Variants in SH3PXD2A observed in about 807,000 individuals in gnomAD.
SH3PXD2A encodes the protein SH3 and PX domains 2A, also known as SH3 and PX domain-containing protein 2A.
SH3PXD2A carries 32 observed loss-of-function variants against 115.2 expected under a neutral mutation model. The ratio of observed to expected loss-of-function variants is 0.28; its 90% CI spans 0.21 to 0.37. SH3PXD2A has a LOEUF of 0.37. Ranked by LOEUF, SH3PXD2A falls within the 10% of genes least tolerant of loss-of-function variation. The pLI is 1.00. For missense variants in SH3PXD2A, 1,328 were observed against 1,498.7 expected (o/e 0.89, Z 1.88); for synonymous variants, 610 against 629.1 (o/e 0.97, Z 0.45).
In SH3PXD2A at chr10:103,595,922, G is replaced by C. The variant is rs1326084463; in HGVS notation, c.*5894C>G. On this transcript the variant is annotated 3_prime_UTR_variant, in exon 15 of 15. Coordinates refer to ENST00000369774, the MANE Select transcript of SH3PXD2A (RefSeq NM_001394015.1). The stretch of plus-strand genomic sequence containing the variant: ...AGTGGGGCTGTTTTTCCCCAAAGCT[G>C]TGGGTCACTGATCCTGTCTTCTCAC... 6.6e-6 allele frequency: 1 copy of C among 152,646 alleles called. No homozygotes were observed. The highest frequency in any genetic ancestry group is 2.4e-5 in the African/African-American group (1 of 41,450). 9.5% of individuals were successfully genotyped at this position (152,646 alleles called of 1,614,324 possible).
chr10:103,607,417 C>CT (rs1185745174), intron 13 of SH3PXD2A, among the ~76,000 whole-genome samples: 2 of 150,580 alleles, frequency 1.3e-5, no homozygotes, highest in African/African-American at 2.4e-5. Context: ...GGTCAGCCCC[C>CT]GCCAGGCCAG....
At chr10:103,852,425 C>T (rs989199339) in intron 1 of SH3PXD2A, among the ~76,000 whole-genome samples, 2 of 152,230 alleles carry the variant, frequency 1.3e-5, no homozygotes, top group South Asian at 2.1e-4. Flanking sequence ...GGCCCCAGGC[C>T]TCTCATCGGC....
intron 4 of SH3PXD2A, among the ~76,000 whole-genome samples, chr10:103,727,961 C>T (rs2038262982): frequency 6.6e-6 from 1 of 152,224 alleles, no homozygotes; most frequent in Non-Finnish European, 1.5e-5. Context: ...TGATGATGGC[C>T]AGGGCCAGGG....
intron 2 of SH3PXD2A, among the ~76,000 whole-genome samples, chr10:103,794,202 T>C (rs912217893): frequency 5.1e-4 from 77 of 152,152 alleles, no homozygotes; most frequent in African/African-American, 1.8e-3. Flanking sequence ...GTGGAGAGTC[T>C]GGAGAGATGA....
At chr10:103,681,812 A>C (rs1234219812) in intron 6 of SH3PXD2A, among the ~76,000 whole-genome samples, 1 of 152,164 alleles carries the variant, frequency 6.6e-6, no homozygotes, top group African/African-American at 2.4e-5. Context: ...GCGGTGGCTC[A>C]TATCTATAAT....
chr10:103,624,558 G>A (rs946951546), intron 9 of SH3PXD2A, among the ~76,000 whole-genome samples: 1 of 152,166 alleles, frequency 6.6e-6, no homozygotes, highest in Non-Finnish European at 1.5e-5. Context: ...GCACACCTGG[G>A]TTCAAGAGCA....
intron 1 of SH3PXD2A, among the ~76,000 whole-genome samples, chr10:103,841,821 C>T (rs906601972): frequency 6.6e-6 from 1 of 152,124 alleles, no homozygotes; most frequent in African/African-American, 2.4e-5. Context: ...CCTTGGCCAC[C>T]CTCTATAAAA....
At position 103,601,960 on chromosome 10, in the gene SH3PXD2A, A is replaced by C; in HGVS notation, c.3258T>G (p.Asp1086Glu). 1 of 1,613,788 alleles carries C rather than the reference A, an allele frequency of 6.2e-7. No homozygotes were observed. The highest frequency in any genetic ancestry group is 8.5e-7 in the Non-Finnish European group (1 of 1,179,954). Residue 1086 changes from aspartate to glutamate, a missense_variant, in exon 15 of 15, where the codon GAT becomes GAG. By Grantham distance (45) the Asp-to-Glu change is conservative. Transcript: ENST00000369774. ...CCTCCTGGAAGCCTGCTGTCTCCTC[A>C]TCCCCCTCGTAGTCTGCGATAGAGA... ...VYVSIADYEG[D>E]EETAGFQEGV...
intron 7 of SH3PXD2A, chr10:103,662,029 CAG>C: frequency 3.5e-6 from 3 of 853,000 alleles, no homozygotes; most frequent in Non-Finnish European, 4.2e-6. Flanking sequence ...GCCCTGCTTC[CAG>C]AGAGGGCCCT....
chr10:103,802,024 A>G (rs2039152683), intron 1 of SH3PXD2A, among the ~76,000 whole-genome samples: 1 of 152,010 alleles, frequency 6.6e-6, no homozygotes, highest in Non-Finnish European at 1.5e-5. Flanking sequence ...GCTAATTTCC[A>G]CTGGTTCACA....
chr10:103,853,893 G>T (rs1027316221), intron 1 of SH3PXD2A, among the ~76,000 whole-genome samples: 3 of 152,206 alleles, frequency 2.0e-5, no homozygotes, highest in Non-Finnish European at 2.9e-5. Flanking sequence ...CCTCCAAAAA[G>T]AGCTTTCTTG....
chr10:103,680,541 T>C (rs1226062091), intron 6 of SH3PXD2A, among the ~76,000 whole-genome samples: 2 of 152,154 alleles, frequency 1.3e-5, no homozygotes, highest in Non-Finnish European at 2.9e-5. Flanking sequence ...GTTCCCAAAG[T>C]GCTGGGATTA....
At chr10:103,836,303 T>C (rs1258317607) in intron 1 of SH3PXD2A, among the ~76,000 whole-genome samples, 3 of 151,654 alleles carry the variant, frequency 2.0e-5, no homozygotes, top group Non-Finnish European at 4.4e-5. Flanking sequence ...CAGCTTTTAT[T>C]ACACACACAC....
At chr10:103,692,972 C>G in intron 6 of SH3PXD2A, 56 bp downstream of exon 6, 1 of 1,220,584 alleles carries the variant, frequency 8.2e-7, no homozygotes, top group Non-Finnish European at 1.2e-6. Flanking sequence ...ATCGGAGGGG[C>G]GCGTGCACGA....
intron 9 of SH3PXD2A, 115 bp downstream of exon 9, chr10:103,626,974 A>AG (rs2036707397): frequency 3.1e-6 from 2 of 637,632 alleles, no homozygotes; most frequent in South Asian, 3.7e-5. Flanking sequence ...CCAAGGGAGG[A>AG]GGCTAGGATA....
intron 1 of SH3PXD2A, among the ~76,000 whole-genome samples, chr10:103,827,247 C>T (rs1051187785): frequency 1.3e-5 from 2 of 152,070 alleles, no homozygotes; most frequent in African/African-American, 2.4e-5. Flanking sequence ...CACTTCTGGG[C>T]GGGGCTGGTG....
At chr10:103,685,499 C>T (rs2037666422) in intron 6 of SH3PXD2A, among the ~76,000 whole-genome samples, 1 of 152,132 alleles carries the variant, frequency 6.6e-6, no homozygotes. Context: ...ACCCCACCTT[C>T]CCCCTGTCTG....
chr10:103,726,580 G>T (rs1461763157), intron 4 of SH3PXD2A, among the ~76,000 whole-genome samples: 2 of 152,156 alleles, frequency 1.3e-5, no homozygotes, highest in Non-Finnish European at 2.9e-5. Flanking sequence ...TTTGTTTAAA[G>T]AAATGAATGA....
intron 12 of SH3PXD2A, among the ~76,000 whole-genome samples, chr10:103,612,463 A>T (rs1040971233): frequency 2.0e-5 from 3 of 152,124 alleles, no homozygotes; most frequent in African/African-American, 7.2e-5. Context: ...TGTTTTTTTG[A>T]TTTTTTAAAA....
Sources: allele counts gnomAD v4.1 joint callset (sites outside exome capture counted in the v4.1 genomes callset), GRCh38; gene constraint gnomAD v4.1.1; transcripts MANE v1.5; gene names NCBI Gene and HGNC (gene_info 2026-07-23, HGNC 2026-07-21).